Variants in SLX4IP observed in about 807,000 individuals in gnomAD.
The protein encoded by SLX4IP is protein SLX4IP.
A neutral mutation model predicts 32.9 loss-of-function variants in SLX4IP; 34 were observed. The ratio of observed to expected loss-of-function variants is 1.03; its 90% CI spans 0.79 to 1.38. The LOEUF (loss-of-function observed/expected upper bound fraction) is 1.38. Ranked by LOEUF, SLX4IP falls within the 40% of genes most tolerant of loss-of-function variation. The pLI, the probability that SLX4IP is intolerant of heterozygous loss-of-function variation, is 0.00. For missense variants in SLX4IP, 444 were observed against 479.0 expected (o/e 0.93, Z 0.68); for synonymous variants, 172 against 171.7 (o/e 1.00, Z -0.01).
chr20:10,620,383 G>C (rs913067675), intron 6 of SLX4IP, among the ~76,000 whole-genome samples: 41 of 152,062 alleles, frequency 2.7e-4, no homozygotes, highest in African/African-American at 9.7e-4. Context: ...GCTTCCATGG[G>C]AACACAAAAG....
chr20:10,508,160 C>G (rs2065775274), intron 2 of SLX4IP, among the ~76,000 whole-genome samples: 1 of 152,176 alleles, frequency 6.6e-6, no homozygotes, highest in African/African-American at 2.4e-5. Context: ...CAGGTTGTGG[C>G]CCAGTGCTCA....
intron 2 of SLX4IP, among the ~76,000 whole-genome samples, chr20:10,524,428 A>T (rs2065925921): frequency 6.6e-6 from 1 of 152,134 alleles, no homozygotes. Flanking sequence ...GAGAAACATG[A>T]AATGATTGTT....
At chr20:10,573,715 C>T (rs561226596) in intron 4 of SLX4IP, among the ~76,000 whole-genome samples, 45 of 152,284 alleles carry the variant, frequency 3.0e-4, no homozygotes, top group Admixed American at 5.9e-4. Context: ...TGTATTTTTT[C>T]TATTCACAGC....
intron 2 of SLX4IP, among the ~76,000 whole-genome samples, chr20:10,459,445 T>A (rs1418422522): frequency 6.6e-6 from 1 of 152,232 alleles, no homozygotes; most frequent in Non-Finnish European, 1.5e-5. Flanking sequence ...TAAGTAGGCA[T>A]ATGGAAAATT....
At chr20:10,465,357 C>T (rs185966157) in intron 2 of SLX4IP, among the ~76,000 whole-genome samples, 39 of 152,280 alleles carry the variant, frequency 2.6e-4, no homozygotes, top group Admixed American at 7.2e-4. Context: ...CACTTGTTTA[C>T]ATATCATCCC....
At chr20:10,489,472 A>G (rs1210545657) in intron 2 of SLX4IP, among the ~76,000 whole-genome samples, 1 of 152,020 alleles carries the variant, frequency 6.6e-6, no homozygotes, top group Non-Finnish European at 1.5e-5. Flanking sequence ...ATTTTTTTTA[A>G]TGGGCCTTAA....
intron 6 of SLX4IP, among the ~76,000 whole-genome samples, chr20:10,604,689 G>T (rs530285152): frequency 6.6e-6 from 1 of 152,342 alleles, no homozygotes; most frequent in Admixed American, 6.5e-5. Flanking sequence ...CGTTTCTCTT[G>T]TCCACTCAGG....
At chr20:10,540,076 T>C (rs2066086288) in intron 2 of SLX4IP, among the ~76,000 whole-genome samples, 1 of 151,902 alleles carries the variant, frequency 6.6e-6, no homozygotes, top group Non-Finnish European at 1.5e-5. Flanking sequence ...TTCTTTTCTT[T>C]CTTTTCTCTC....
intron 2 of SLX4IP, among the ~76,000 whole-genome samples, chr20:10,495,958 T>C (rs1274845601): frequency 1.3e-5 from 2 of 152,132 alleles, no homozygotes; most frequent in Non-Finnish European, 2.9e-5. Context: ...TAAAGACATT[T>C]GCTTTTTCAG....
intron 2 of SLX4IP, among the ~76,000 whole-genome samples, chr20:10,545,329 T>C (rs1055601210): frequency 6.6e-6 from 1 of 152,108 alleles, no homozygotes; most frequent in African/African-American, 2.4e-5. Flanking sequence ...CATTCTGAGG[T>C]TGTGTTTTAG....
At position 10,609,425 on chromosome 20, in the gene SLX4IP, T is replaced by G. The variant is rs554019445; in HGVS notation, c.405+7606T>G. Among the ~76,000 whole-genome samples the G allele has an allele frequency of 7.2e-5, 11 of 152,330 alleles. No individual in the cohort carries two copies. The South Asian group carries it at 2.1e-3, about 29-fold the overall frequency. The stretch of plus-strand genomic sequence containing the variant: ...CTCTGAGTCTTGGAAAGAGGAGGCC[T>G]TAGTATCTGTATCTCAGGGAAATGG... On this transcript the variant is annotated intron_variant, in intron 6 of 7. Coordinates refer to ENST00000334534, the MANE Select transcript of SLX4IP (RefSeq NM_001009608.3).
chr20:10,587,141 A>G (rs768431664), intron 4 of SLX4IP, among the ~76,000 whole-genome samples: 3 of 152,178 alleles, frequency 2.0e-5, no homozygotes, highest in Non-Finnish European at 2.9e-5. Context: ...GAAATCCTAA[A>G]CTAAATATTA....
chr20:10,539,274 AGTG>A (rs2066078453), intron 2 of SLX4IP, among the ~76,000 whole-genome samples: 1 of 152,176 alleles, frequency 6.6e-6, no homozygotes, highest in African/African-American at 2.4e-5. Flanking sequence ...GAAGAATTTG[AGTG>A]TTTTGGAAAT....
At chr20:10,461,972 G>T (rs182521438) in intron 2 of SLX4IP, among the ~76,000 whole-genome samples, 116 of 152,126 alleles carry the variant, frequency 7.6e-4, no homozygotes, top group South Asian at 1.7e-3. Flanking sequence ...TTTTTGTAGA[G>T]ATGGAGTCTC....
Position 10,598,670 on chromosome 20 carries a change from T to C in SLX4IP, c.239-5T>C. 1.2e-6 allele frequency: 2 copies of C among 1,614,060 alleles called. No homozygotes were observed. The highest frequency in any genetic ancestry group is 1.1e-5 in the South Asian group (1 of 91,086). On this transcript the variant is annotated splice_region_variant and splice_polypyrimidine_tract_variant and intron_variant, in intron 4 of 7. Coordinates refer to ENST00000334534, the MANE Select transcript of SLX4IP (RefSeq NM_001009608.3). ...AACTTAGTGATGTTCCCTTTCACTT[T>C]CCAGGTTATGGCTTTCAAATCACAG... is the stretch of plus-strand genomic sequence containing the variant.
intron 4 of SLX4IP, among the ~76,000 whole-genome samples, chr20:10,598,185 C>T (rs1283116996): frequency 6.6e-6 from 1 of 152,178 alleles, no homozygotes; most frequent in Admixed American, 6.5e-5. Flanking sequence ...GCGTCATAGT[C>T]AGGCCTCCTG....
intron 4 of SLX4IP, among the ~76,000 whole-genome samples, chr20:10,580,563 T>C (rs527675677): frequency 6.7e-6 from 1 of 150,284 alleles, no homozygotes; most frequent in South Asian, 2.1e-4. Context: ...GCATTTACAA[T>C]GTAACCATCC....
At chr20:10,610,972 G>T (rs2066960574) in intron 6 of SLX4IP, among the ~76,000 whole-genome samples, 1 of 152,200 alleles carries the variant, frequency 6.6e-6, no homozygotes, top group Non-Finnish European at 1.5e-5. Flanking sequence ...TGTAGTCATT[G>T]TCATTCATGC....
intron 4 of SLX4IP, among the ~76,000 whole-genome samples, chr20:10,582,011 G>A (rs574490861): frequency 2.0e-5 from 3 of 152,296 alleles, no homozygotes; most frequent in Admixed American, 6.5e-5. Context: ...AAGTGATTCC[G>A]TGGGGTGGAT....
Sources: allele counts gnomAD v4.1 joint callset (sites outside exome capture counted in the v4.1 genomes callset), GRCh38; gene constraint gnomAD v4.1.1; transcripts MANE v1.5; gene names NCBI Gene and HGNC (gene_info 2026-07-23, HGNC 2026-07-21).